Variants in PKHD1 observed in about 807,000 individuals in gnomAD.
PKHD1 encodes the protein PKHD1 ciliary IPT domain containing fibrocystin/polyductin, also known as fibrocystin.
In PKHD1, 291 loss-of-function variants were observed where a neutral mutation model predicts 412.0. The observed-to-expected ratio is 0.71, with a 90% CI of 0.64 to 0.78. The LOEUF is 0.78. PKHD1 is among the 30% of genes least tolerant of loss of function. The probability of loss-of-function intolerance (pLI) is 0.00; values close to 1 mark genes in which losing one functional copy is unlikely to be tolerated. For missense variants in PKHD1, 4,825 were observed against 4,950.7 expected (o/e 0.97, Z 0.76); for synonymous variants, 1,777 against 1,821.5 (o/e 0.98, Z 0.62).
In PKHD1 at chr6:52,025,931, G is replaced by A; in HGVS notation, c.3879C>T (p.Phe1293=). 1 of 1,614,150 alleles carries A rather than the reference G, an allele frequency of 6.2e-7. No individual in the cohort carries two copies. Among genetic ancestry groups the A allele is most frequent in the Non-Finnish European group, 8.5e-7 (1 of 1,180,044 alleles). ...CTGGTGTTGCTGCCGCTTCATACAT[G>A]AAGGTGAAGCCTTTCCCCACCAAGC... The part of the protein sequence containing the change: ...SPSLVGKGFT[F]MYEAAATPVV... The change falls in exon 32 of 67, where the codon TTC becomes TTT. Residue 1293 remains phenylalanine (F), a synonymous_variant. Coordinates refer to ENST00000371117, the MANE Select transcript of PKHD1 (RefSeq NM_138694.4).
Position 51,754,815 on chromosome 6 carries a change from CCT to C in PKHD1, c.8764_8765del (p.Arg2922AspfsTer3), listed in dbSNP as rs749768205. The C allele has an allele frequency of 1.2e-6, 2 of 1,613,700 alleles. No individual in the cohort carries two copies. The highest frequency in any genetic ancestry group is 1.7e-6 in the Non-Finnish European group (2 of 1,179,716). On this transcript the variant is annotated frameshift_variant, in exon 56 of 67. Transcript: ENST00000371117. LOFTEE classifies it high-confidence loss of function. ...TVKEVKGHHVRIYERLKHRHI... is the reference protein window; with the variant it reads ...TVKEVKGHHVXIYERLKHRHI... ...GCCGGTGTTTGAGCCGTTCATAGAT[CCT>C]CACATGGTGGCCCTTGACTTCTTTC...
At chr6:51,949,710 C>G (rs2127863931) in intron 36 of PKHD1, among the ~76,000 whole-genome samples, 1 of 152,182 alleles carries the variant, frequency 6.6e-6, no homozygotes, top group East Asian at 1.9e-4. Flanking sequence ...ACTAGCAGCT[C>G]AGGAAATAGA....
chr6:51,984,187 T>C (rs1290893014), intron 35 of PKHD1, among the ~76,000 whole-genome samples: 1 of 152,238 alleles, frequency 6.6e-6, no homozygotes, highest in African/African-American at 2.4e-5. Context: ...TTATGGGTAA[T>C]GCCATTAAAA....
chr6:51,671,702 A>T (rs1775013961), intron 60 of PKHD1, among the ~76,000 whole-genome samples: 1 of 151,908 alleles, frequency 6.6e-6, no homozygotes, highest in Non-Finnish European at 1.5e-5. Flanking sequence ...GTCTTTGATG[A>T]TGGTGATGTA....
chr6:52,065,238 C>T lies in PKHD1; in HGVS notation c.881-188G>A, dbSNP rs1056391299. 6.5e-4 allele frequency among the ~76,000 whole-genome samples: 90 copies of T among 139,442 alleles called. 1 individual carries two copies. The highest frequency in any genetic ancestry group is 8.1e-4 in the Non-Finnish European group (53 of 65,498). The allele number at this position is 139,442 out of a possible 152,430, so 91.5% of individuals were successfully genotyped here. A position where few individuals can be genotyped will look rare whatever the true frequency, so the allele number is the denominator to read the frequency against. On this transcript the variant is annotated intron_variant, in intron 12 of 66. Transcript: ENST00000371117. ...GCAGTCGGGAGATGTGATGGCAAGA[C>T]CAGACTGAAGTAGACAGGCTCCTAT... is the stretch of plus-strand genomic sequence containing the variant.
chr6:51,622,631 G>A (rs983250577), intron 66 of PKHD1: 1 of 152,176 alleles, frequency 6.6e-6, no homozygotes, highest in Non-Finnish European at 1.5e-5. Flanking sequence ...AATAAGCAAT[G>A]TATGACAATT....
chr6:52,020,060 A>G lies in PKHD1; in HGVS notation c.5381-2431T>C, dbSNP rs558615867. On this transcript the variant is annotated intron_variant, in intron 33 of 66. Transcript: ENST00000371117. The stretch of plus-strand genomic sequence containing the variant: ...TCTGTAACCTGGAATGTGAAACATC[A>G]CTCTATGGTACAAAGTCAAACTGAA... 4.9e-4 allele frequency among the ~76,000 whole-genome samples: 74 copies of G among 152,314 alleles called. 1 individual carries two copies. In the South Asian group the frequency reaches 0.015, roughly 32 times the overall value.
intron 35 of PKHD1, among the ~76,000 whole-genome samples, chr6:51,987,054 C>T (rs1796305133): frequency 6.6e-6 from 1 of 152,038 alleles, no homozygotes; most frequent in African/African-American, 2.4e-5. Context: ...TTGATTAATG[C>T]CGATTGTGAC....
At chr6:51,705,171 G>T (rs1779871833) in intron 60 of PKHD1, among the ~76,000 whole-genome samples, 1 of 152,062 alleles carries the variant, frequency 6.6e-6, no homozygotes, top group Admixed American at 6.6e-5. Context: ...CCACCTTTCA[G>T]TTACTACAGT....
chr6:51,901,467 C>T (rs1280844142), intron 43 of PKHD1, among the ~76,000 whole-genome samples: 1 of 150,922 alleles, frequency 6.6e-6, no homozygotes, highest in African/African-American at 2.4e-5. Context: ...GGGAATTGAA[C>T]AATGAGATCA....
At chr6:51,933,776 C>T (rs892280956) in intron 37 of PKHD1, among the ~76,000 whole-genome samples, 2 of 152,244 alleles carry the variant, frequency 1.3e-5, no homozygotes, top group Non-Finnish European at 2.9e-5. Context: ...GTTCTGCTCA[C>T]ATTCCACTGA....
chr6:51,793,628 T>C (rs950731883), intron 52 of PKHD1, among the ~76,000 whole-genome samples: 2 of 152,226 alleles, frequency 1.3e-5, no homozygotes, highest in Non-Finnish European at 2.9e-5. Context: ...TTGTTTTCTG[T>C]TCCCGTGTTA....
intron 35 of PKHD1, among the ~76,000 whole-genome samples, chr6:51,996,902 A>T (rs549034772): frequency 6.6e-6 from 1 of 152,334 alleles, no homozygotes; most frequent in East Asian, 1.9e-4. Context: ...CCTTCCAGGC[A>T]TCACTGCTAC....
intron 43 of PKHD1, among the ~76,000 whole-genome samples, chr6:51,896,217 G>T (rs1779953830): frequency 6.7e-6 from 1 of 149,860 alleles, no homozygotes; most frequent in Non-Finnish European, 1.5e-5. Context: ...TGGGGGCAGG[G>T]CACAGACAAA....
At chr6:51,631,913 C>T (rs1160120543) in intron 65 of PKHD1, among the ~76,000 whole-genome samples, 2 of 150,164 alleles carry the variant, frequency 1.3e-5, no homozygotes, top group Non-Finnish European at 3.0e-5. Flanking sequence ...GAGAGGATGA[C>T]ATTTCCCCGG....
At chr6:51,854,495 G>C (rs564945684) in intron 49 of PKHD1, among the ~76,000 whole-genome samples, 2 of 152,244 alleles carry the variant, frequency 1.3e-5, no homozygotes, top group East Asian at 3.9e-4. Flanking sequence ...CACTCGTCTG[G>C]GCTGCCGGGA....
At chr6:51,772,667 C>G (rs1444595023) in intron 55 of PKHD1, 35 bp downstream of exon 55, 1 of 1,093,772 alleles carries the variant, frequency 9.1e-7, no homozygotes, top group Admixed American at 1.9e-5. Context: ...TAAACAACAA[C>G]CAAGAAAAAG....
At chr6:51,937,931 A>G (rs1787782308) in intron 36 of PKHD1, among the ~76,000 whole-genome samples, 1 of 152,218 alleles carries the variant, frequency 6.6e-6, no homozygotes. Flanking sequence ...AGAAAAATCT[A>G]ACATGGCTTA....
In PKHD1 at chr6:52,025,826, G is replaced by A. The variant is rs182468850; in HGVS notation, c.3984C>T (p.Val1328=). The change falls in exon 32 of 67, where the codon GTC becomes GTT. Residue 1328 remains valine (V), a synonymous_variant. Coordinates refer to ENST00000371117, the MANE Select transcript of PKHD1 (RefSeq NM_138694.4). Reference sequence around the variant, plus strand: ...CACAGTTCAGGTTCCCCAGAAGGATGACTGAGTTGGAGAGGTTACTTCCTC... The same window carrying A: ...CACAGTTCAGGTTCCCCAGAAGGATAACTGAGTTGGAGAGGTTACTTCCTC... ...HVGGSNLSNS[V]ILLGNLNCDV... is the part of the protein sequence containing the mutation. 277 of 1,614,214 alleles carry A rather than the reference G, an allele frequency of 1.7e-4. 1 individual carries two copies. The East Asian group carries it at 3.5e-3, about 21-fold the overall frequency.
Sources: allele counts gnomAD v4.1 joint callset (sites outside exome capture counted in the v4.1 genomes callset), GRCh38; gene constraint gnomAD v4.1.1; transcripts MANE v1.5; gene names NCBI Gene and HGNC (gene_info 2026-07-23, HGNC 2026-07-21).